FBXW7: variants seen among roughly 807,000 people sequenced by gnomAD.
FBXW7 encodes F-box and WD repeat domain containing 7.
In FBXW7, 11 loss-of-function variants were observed where a neutral mutation model predicts 86.3. That is an observed-to-expected ratio of 0.13 (90% CI 0.08 to 0.21). FBXW7 has a LOEUF of 0.21. Among genes scored for constraint, FBXW7 ranks in the 10% least tolerant of loss-of-function variants. FBXW7 has a pLI of 1.00. For synonymous variants in FBXW7, 313 were observed against 297.9 expected, an observed-to-expected ratio of 1.05 and a Z score of -0.52; for missense variants, 488 against 847.4, an observed-to-expected ratio of 0.58 and a Z score of 5.27.
chr4:152,514,454 G>A (rs547582520), intron 2 of FBXW7, among the ~76,000 whole-genome samples: 1 of 152,258 alleles, frequency 6.6e-6, no homozygotes, highest in East Asian at 1.9e-4. Context: ...GGGGTGGGGA[G>A]GTATGTTCTC....
At chr4:152,481,884 T>A (rs1259338547) in intron 2 of FBXW7, among the ~76,000 whole-genome samples, 1 of 152,238 alleles carries the variant, frequency 6.6e-6, no homozygotes, top group Non-Finnish European at 1.5e-5. Flanking sequence ...AATCCACTTT[T>A]GGTGAAGATG....
At chr4:152,459,504 T>G (rs1742740378) in intron 2 of FBXW7, among the ~76,000 whole-genome samples, 1 of 152,116 alleles carries the variant, frequency 6.6e-6, no homozygotes, top group Non-Finnish European at 1.5e-5. Context: ...AGCAATTAAT[T>G]CATACACCCA....
At chr4:152,410,815 C>T (rs961762417) in intron 4 of FBXW7, among the ~76,000 whole-genome samples, 2 of 152,142 alleles carry the variant, frequency 1.3e-5, no homozygotes, top group East Asian at 1.9e-4. Flanking sequence ...GTCTACTCTA[C>T]ATGAATATTC....
chr4:152,421,647 C>G (rs986049244), intron 2 of FBXW7, among the ~76,000 whole-genome samples: 5 of 152,236 alleles, frequency 3.3e-5, no homozygotes, highest in Non-Finnish European at 5.9e-5. Flanking sequence ...TTTCAACATG[C>G]CTTCTTCACT....
intron 2 of FBXW7, among the ~76,000 whole-genome samples, chr4:152,529,849 C>T (rs533375308): frequency 6.6e-6 from 1 of 151,918 alleles, no homozygotes; most frequent in South Asian, 2.1e-4. Context: ...CCTCGAGGCT[C>T]TCTAATTCCC....
In FBXW7 at chr4:152,519,311, T is replaced by G. The variant is rs559158897; in HGVS notation, c.-120+15630A>C. On this transcript the variant is annotated intron_variant, in intron 2 of 13. Transcript: ENST00000281708. ...AGACTCTGTCTCAAAAATAAATAAA[T>G]AAATAAATAAAGAAAGAAAGAAAGA... is the stretch of plus-strand genomic sequence containing the variant. Among the ~76,000 whole-genome samples the G allele has an allele frequency of 2.9e-3, 438 of 151,618 alleles. 1 individual carries two copies. The highest frequency in any genetic ancestry group is 6.8e-3 in the East Asian group (35 of 5,164).
At chr4:152,368,883 A>T (rs1418779369) in intron 4 of FBXW7, among the ~76,000 whole-genome samples, 2 of 152,088 alleles carry the variant, frequency 1.3e-5, no homozygotes, top group African/African-American at 2.4e-5. Flanking sequence ...TTCTTCATGT[A>T]GGGAGACATA....
At chr4:152,505,188 T>C (rs1747297949) in intron 2 of FBXW7, among the ~76,000 whole-genome samples, 1 of 152,152 alleles carries the variant, frequency 6.6e-6, no homozygotes, top group Non-Finnish European at 1.5e-5. Context: ...ATATAAAATG[T>C]AAAACGGTGC....
chr4:152,467,030 A>G (rs1393656752), intron 2 of FBXW7, among the ~76,000 whole-genome samples: 5 of 152,232 alleles, frequency 3.3e-5, no homozygotes, highest in Non-Finnish European at 2.9e-5. Flanking sequence ...TAAGAACCTG[A>G]TAATCCTTAG....
At chr4:152,333,460 A>G (rs1729765563) in intron 7 of FBXW7, among the ~76,000 whole-genome samples, 1 of 152,116 alleles carries the variant, frequency 6.6e-6, no homozygotes, top group Non-Finnish European at 1.5e-5. Flanking sequence ...GTTCAAATAA[A>G]TAAAAAGGAA....
chr4:152,394,559 A>G (rs1579082283), intron 4 of FBXW7, among the ~76,000 whole-genome samples: 1 of 152,108 alleles, frequency 6.6e-6, no homozygotes, highest in African/African-American at 2.4e-5. Flanking sequence ...GCAAAAGTCA[A>G]TGGAATTGTT....
Position 152,491,124 on chromosome 4 carries a change from AAC to A in FBXW7, c.-120+43815_-120+43816del, listed in dbSNP as rs1385324255. On this transcript the variant is annotated intron_variant, in intron 2 of 13. Coordinates refer to ENST00000281708, the MANE Select transcript of FBXW7 (RefSeq NM_001349798.2). ...TTCCGGATATAGTTCCAGATCTAAT[AAC>A]ACAGTTTTATTGCCCCTTGTTTTTA... Among the ~76,000 whole-genome samples, 13 of 152,180 alleles carry A rather than the reference AAC, an allele frequency of 8.5e-5. 1 individual carries two copies. The highest frequency in any genetic ancestry group is 8.5e-4 in the Admixed American group (13 of 15,262).
chr4:152,381,362 T>A (rs559969914), intron 4 of FBXW7, among the ~76,000 whole-genome samples: 39 of 152,176 alleles, frequency 2.6e-4, no homozygotes, highest in African/African-American at 8.7e-4. Context: ...CACAAAAAGA[T>A]AGAACCCTAA....
At chr4:152,356,215 CT>C (rs1454507634) in intron 4 of FBXW7, among the ~76,000 whole-genome samples, 1 of 152,102 alleles carries the variant, frequency 6.6e-6, no homozygotes, top group Non-Finnish European at 1.5e-5. Flanking sequence ...TCACATCTTA[CT>C]CAAATTTATT....
intron 2 of FBXW7, among the ~76,000 whole-genome samples, chr4:152,477,855 A>G (rs1175828132): frequency 1.3e-5 from 2 of 152,124 alleles, no homozygotes; most frequent in Non-Finnish European, 2.9e-5. Flanking sequence ...TTAATGTGAA[A>G]CAGAAAGGAC....
At chr4:152,350,243 T>C (rs1731674432) in intron 4 of FBXW7, 119 bp from the exon 5 acceptor site, 1 of 479,550 alleles carries the variant, frequency 2.1e-6, no homozygotes, top group Non-Finnish European at 3.7e-6. Flanking sequence ...GTTAATTAAA[T>C]ATATAAAATA....
chr4:152,524,559 G>T (rs1014924282), intron 2 of FBXW7, among the ~76,000 whole-genome samples: 1 of 152,098 alleles, frequency 6.6e-6, no homozygotes, highest in Non-Finnish European at 1.5e-5. Flanking sequence ...ATTTCAAAGG[G>T]TGACAGATAA....
chr4:152,355,929 A>G (rs1732338304), intron 4 of FBXW7, among the ~76,000 whole-genome samples: 1 of 152,198 alleles, frequency 6.6e-6, no homozygotes, highest in African/African-American at 2.4e-5. Flanking sequence ...AGTTTTTAGA[A>G]GGGCAAGTTG....
intron 2 of FBXW7, among the ~76,000 whole-genome samples, chr4:152,482,096 T>C (rs563998791): frequency 1.6e-4 from 24 of 152,300 alleles, no homozygotes; most frequent in Non-Finnish European, 4.4e-5. Context: ...TGCTGTCTTA[T>C]TTTTAAAAAT....
Sources: allele counts gnomAD v4.1 joint callset (sites outside exome capture counted in the v4.1 genomes callset), GRCh38; gene constraint gnomAD v4.1.1; transcripts MANE v1.5; gene names NCBI Gene and HGNC (gene_info 2026-07-23, HGNC 2026-07-21).